DCN: variants seen among roughly 807,000 people sequenced by gnomAD.
DCN encodes decorin.
DCN carries 17 observed loss-of-function variants against 36.5 expected under a neutral mutation model. The observed-to-expected ratio is 0.47, with a 90% CI of 0.32 to 0.70. The LOEUF (loss-of-function observed/expected upper bound fraction) is 0.70. Ranked by LOEUF, DCN falls within the 30% of genes least tolerant of loss-of-function variation. The pLI, the probability that DCN is intolerant of heterozygous loss-of-function variation, is 0.04. For missense variants in DCN, 389 were observed against 430.1 expected (o/e 0.90, Z 0.84); for synonymous variants, 163 against 161.4 (o/e 1.01, Z -0.07).
chr12:91,154,451 T>A (rs1023260907), intron 5 of DCN, among the ~76,000 whole-genome samples: 1 of 152,152 alleles, frequency 6.6e-6, no homozygotes, highest in Admixed American at 6.5e-5. Context: ...GTATATTTTT[T>A]AATGCAGTGC....
rs1880740753 is a variant in DCN at position 91,141,070 on chromosome 12, G to A, written c.*4988C>T. On this transcript the variant is annotated 3_prime_UTR_variant, in exon 8 of 8. Transcript: ENST00000052754. Reference sequence around the variant, plus strand: ...CTAGCATCCGAAATATTCTCTCTTGGCCTATTCCTGTTACCTTACAGTCTA... The same window carrying A: ...CTAGCATCCGAAATATTCTCTCTTGACCTATTCCTGTTACCTTACAGTCTA... 6.6e-6 allele frequency: 1 copy of A among 151,868 alleles called. No individual in the cohort carries two copies. Among genetic ancestry groups the A allele is most frequent in the Non-Finnish European group, 1.5e-5 (1 of 68,002 alleles). The allele number at this position is 151,868 out of a possible 1,614,324, so 9.4% of individuals were successfully genotyped here.
chr12:91,177,004 G>A (rs1482539031), intron 2 of DCN: 1 of 152,326 alleles, frequency 6.6e-6, no homozygotes, highest in African/African-American at 2.4e-5. Context: ...AAAAGTAATA[G>A]TCACCACCAC....
chr12:91,165,003 G>A (rs550660603), intron 2 of DCN, among the ~76,000 whole-genome samples: 1 of 152,172 alleles, frequency 6.6e-6, no homozygotes, highest in African/African-American at 2.4e-5. Flanking sequence ...TTAGGGTGTG[G>A]CTCAAATCTA....
intron 6 of DCN, 110 bp from the exon 7 acceptor site, chr12:91,151,902 T>TA (rs1304613372): frequency 1.6e-6 from 2 of 1,243,984 alleles, no homozygotes; most frequent in Admixed American, 1.9e-5. Context: ...TTTTTGCACT[T>TA]ACTCTTCCCA....
chr12:91,178,396 C>T lies in DCN; in HGVS notation c.157G>A (p.Val53Met), dbSNP rs950751495. The T allele has an allele frequency of 1.2e-6, 2 of 1,614,026 alleles. No individual in the cohort carries two copies. The highest frequency in any genetic ancestry group is 1.7e-6 in the Non-Finnish European group (2 of 1,179,992). Residue 53 changes from valine (V) to methionine (M), a missense_variant, in exon 2 of 8, where the codon GTG (valine) becomes ATG (methionine). Coordinates refer to ENST00000052754, the MANE Select transcript of DCN (RefSeq NM_001920.5). ...TGGCATTGACAGCGGAAGGGGCACACTGGGCCTAGGGAGGGCTCGAAGTCG... is the reference window on the plus strand; with the variant it reads ...TGGCATTGACAGCGGAAGGGGCACATTGGGCCTAGGGAGGGCTCGAAGTCG... ...DRDFEPSLGP[V>M]CPFRCQCHLR...
chr12:91,157,617 C>T (rs1171772320), intron 4 of DCN, among the ~76,000 whole-genome samples: 1 of 151,648 alleles, frequency 6.6e-6, no homozygotes, highest in African/African-American at 2.4e-5. Context: ...ACAATTTTTA[C>T]TATATGTTTA....
At position 91,167,204 on chromosome 12, in the gene DCN, G is replaced by C. The variant is rs562468569; in HGVS notation, c.212-2487C>G. Among the ~76,000 whole-genome samples the C allele has an allele frequency of 3.3e-5, 5 of 151,970 alleles. No individual in the cohort carries two copies. In the South Asian group the frequency reaches 1.0e-3, roughly 32 times the overall value. ...CCAGTAATATGCTGTACCTGTAAGGGGTAGATAAGGCATTGGAGTGTTAAC... is the reference window on the plus strand; with the variant it reads ...CCAGTAATATGCTGTACCTGTAAGGCGTAGATAAGGCATTGGAGTGTTAAC... On this transcript the variant is annotated intron_variant, in intron 2 of 7. Transcript: ENST00000052754.
Position 91,146,169 on chromosome 12 carries a change from A to G in DCN, c.969T>C (p.Ser323=), listed in dbSNP as rs1456111301. 6.2e-7 allele frequency: 1 copy of G among 1,613,656 alleles called. No individual in the cohort carries two copies. The highest frequency in any genetic ancestry group is 1.1e-5 in the South Asian group (1 of 91,048). Residue 323 remains serine (S), a synonymous_variant, in exon 8 of 8, where the codon TCT becomes TCC. Coordinates refer to ENST00000052754, the MANE Select transcript of DCN (RefSeq NM_001920.5). ...TGCTGAAAAGACTCACACCCGAATA[A>G]GAAGCCTTTTTGGTGTTGTGTCCAG... ...CPPGHNTKKA[S]YSGVSLFSNP...
chr12:91,162,273 C>A (rs569289612), intron 3 of DCN, among the ~76,000 whole-genome samples: 1 of 152,088 alleles, frequency 6.6e-6, no homozygotes, highest in African/African-American at 2.4e-5. Flanking sequence ...CTTGTAGAGT[C>A]TTAAAATTTT....
intron 2 of DCN, among the ~76,000 whole-genome samples, chr12:91,170,489 G>A (rs1882892299): frequency 6.6e-6 from 1 of 152,142 alleles, no homozygotes; most frequent in Non-Finnish European, 1.5e-5. Context: ...CCTTTGGGGT[G>A]CTTGTCTACC....
In DCN at chr12:91,144,207, A is replaced by C. The variant is rs1178985548; in HGVS notation, c.*1851T>G. On this transcript the variant is annotated 3_prime_UTR_variant, in exon 8 of 8. Transcript: ENST00000052754. ...TACAACATGAAGGGTGCGTCACTCA[A>C]GGCTACACCATAAAGGGTGAATCAT... is the stretch of plus-strand genomic sequence containing the variant. 6.6e-6 allele frequency: 1 copy of C among 152,224 alleles called. No homozygotes were observed. Among genetic ancestry groups the C allele is most frequent in the Non-Finnish European group, 1.5e-5 (1 of 68,074 alleles). The allele number at this position is 152,224 out of a possible 1,614,324, so 9.4% of individuals were successfully genotyped here. A position where few individuals can be genotyped will look rare whatever the true frequency, so the allele number is the denominator to read the frequency against.
rs1352109696 is a variant in DCN at position 91,145,771 on chromosome 12, A to C, written c.*287T>G. 1 of 448,700 alleles carries C rather than the reference A, an allele frequency of 2.2e-6. No homozygotes were observed. The highest frequency in any genetic ancestry group is 2.0e-5 in the South Asian group (1 of 50,680). 27.8% of individuals were successfully genotyped at this position (448,700 alleles called of 1,614,324 possible). On this transcript the variant is annotated 3_prime_UTR_variant, in exon 8 of 8. Transcript: ENST00000052754. The stretch of plus-strand genomic sequence containing the variant: ...AAAAGAAAAGCTTTACTAAATATTG[A>C]CATATATATTTACTCCAAATTTTAC...
At chr12:91,154,568 G>C (rs952586019) in intron 5 of DCN, among the ~76,000 whole-genome samples, 2 of 152,102 alleles carry the variant, frequency 1.3e-5, no homozygotes, top group Admixed American at 6.6e-5. Context: ...CTAAGAAGAA[G>C]TTTGACTATG....
At chr12:91,158,779 T>A (rs1289129720) in intron 3 of DCN, among the ~76,000 whole-genome samples, 1 of 152,102 alleles carries the variant, frequency 6.6e-6, no homozygotes, top group Non-Finnish European at 1.5e-5. Flanking sequence ...CTGGCCAGCA[T>A]GGCGAAATCC....
At chr12:91,156,253 G>T (rs1248692396) in intron 5 of DCN, among the ~76,000 whole-genome samples, 1 of 152,240 alleles carries the variant, frequency 6.6e-6, no homozygotes, top group Non-Finnish European at 1.5e-5. Flanking sequence ...TAGAGAGTAA[G>T]CTCCTAAAGG....
At chr12:91,180,722 GC>G (rs1868366114) in intron 1 of DCN, 1 of 152,120 alleles carries the variant, frequency 6.6e-6, no homozygotes, top group Non-Finnish European at 1.5e-5. Context: ...TGTTTTGGCA[GC>G]CTGTTCCTTT....
intron 2 of DCN, among the ~76,000 whole-genome samples, chr12:91,167,905 A>G (rs573655741): frequency 6.6e-6 from 1 of 152,286 alleles, no homozygotes; most frequent in African/African-American, 2.4e-5. Flanking sequence ...CAATGGCATC[A>G]TCTCAGCTCA....
At chr12:91,161,145 CTT>C (rs1882130981) in intron 3 of DCN, among the ~76,000 whole-genome samples, 1 of 152,136 alleles carries the variant, frequency 6.6e-6, no homozygotes, top group Non-Finnish European at 1.5e-5. Context: ...AATGAACTCT[CTT>C]TATTCATCTG....
chr12:91,164,227 G>A (rs1770568509), intron 3 of DCN, among the ~76,000 whole-genome samples: 4 of 151,922 alleles, frequency 2.6e-5, no homozygotes, highest in South Asian at 2.1e-4. Context: ...GGGGTCGGGG[G>A]AAGGGGAAGG....
Sources: gnomAD v4.1 joint callset for allele counts (sites outside exome capture counted in the v4.1 genomes callset) on GRCh38, gnomAD v4.1.1 for gene constraint, MANE v1.5 for transcripts, NCBI Gene and HGNC (gene_info 2026-07-23, HGNC 2026-07-21) for gene names.